AP3B1: variants seen among roughly 807,000 people sequenced by gnomAD.
The protein encoded by AP3B1 is adaptor related protein complex 3 subunit beta 1, also known as AP-3 complex subunit beta-1.
In AP3B1, 61 loss-of-function variants were observed where a neutral mutation model predicts 132.5. That is an observed-to-expected ratio of 0.46 (90% CI 0.37 to 0.57). The LOEUF (loss-of-function observed/expected upper bound fraction) is 0.57. AP3B1 is among the 20% of genes least tolerant of loss of function. The pLI is 0.00. For synonymous variants in AP3B1, 388 were observed against 438.3 expected, an observed-to-expected ratio of 0.89 and a Z score of 1.43; for missense variants, 1,120 against 1,289.4, an observed-to-expected ratio of 0.87 and a Z score of 2.01.
At chr5:78,022,402 G>A (rs892914828) in intron 24 of AP3B1, among the ~76,000 whole-genome samples, 4 of 152,190 alleles carry the variant, frequency 2.6e-5, no homozygotes, top group Admixed American at 1.3e-4. Flanking sequence ...TTCTAGGCCT[G>A]TACTTTGGGA....
chr5:78,211,893 TA>T (rs1179069587), intron 7 of AP3B1, among the ~76,000 whole-genome samples: 6 of 152,250 alleles, frequency 3.9e-5, no homozygotes, highest in African/African-American at 9.6e-5. Flanking sequence ...AATATTGTCT[TA>T]AGTGACTTGC....
intron 20 of AP3B1, among the ~76,000 whole-genome samples, chr5:78,107,102 G>A (rs960410291): frequency 6.6e-6 from 1 of 152,170 alleles, no homozygotes; most frequent in Admixed American, 6.5e-5. Flanking sequence ...AAAGACTAAT[G>A]TGTACTAAGT....
At position 78,181,534 on chromosome 5, in the gene AP3B1, C is replaced by T. The variant is rs751927249; in HGVS notation, c.915G>A (p.Lys305=). Reference sequence around the variant, plus strand: ...CAGCATTCCTGCTCTGAAGCAAAGGCTTTGTATTTCTAATTAAGAGTCTAT... The same window carrying T: ...CAGCATTCCTGCTCTGAAGCAAAGGTTTTGTATTTCTAATTAAGAGTCTAT... ...PDHRLLIRNT[K]PLLQSRNAAV... is the part of the protein sequence containing the mutation. Residue 305 remains lysine, a synonymous_variant, in exon 8 of 27, where the codon AAG becomes AAA. Coordinates refer to ENST00000255194, the MANE Select transcript of AP3B1 (RefSeq NM_003664.5). 2 of 1,613,056 alleles carry T rather than the reference C, an allele frequency of 1.2e-6. No homozygotes were observed. The highest frequency in any genetic ancestry group is 1.1e-5 in the South Asian group (1 of 91,050).
chr5:78,242,647 T>C (rs1747189737), intron 2 of AP3B1, among the ~76,000 whole-genome samples: 1 of 152,146 alleles, frequency 6.6e-6, no homozygotes, highest in South Asian at 2.1e-4. Flanking sequence ...CCTCAAGTGA[T>C]CCACCCCCCT....
intron 1 of AP3B1, among the ~76,000 whole-genome samples, chr5:78,275,622 C>T (rs555739013): frequency 4.0e-5 from 6 of 151,870 alleles, no homozygotes; most frequent in Admixed American, 3.3e-4. Context: ...ATTATAGGCA[C>T]GCGCCACCAC....
intron 22 of AP3B1, among the ~76,000 whole-genome samples, chr5:78,057,057 T>C (rs1429802380): frequency 2.6e-5 from 4 of 152,186 alleles, no homozygotes; most frequent in Admixed American, 1.3e-4. Flanking sequence ...CACCTTATCA[T>C]CAACTTGTAG....
rs574026666 is a variant in AP3B1 at position 78,119,796 on chromosome 5, T to A, written c.1969-3562A>T. ...ATATTATCCAGGAGAACTTCCCCAATCTAGCAAGAAAGGCCAACATTCGGA... is the reference window on the plus strand; with the variant it reads ...ATATTATCCAGGAGAACTTCCCCAAACTAGCAAGAAAGGCCAACATTCGGA... On this transcript the variant is annotated intron_variant, in intron 17 of 26. Coordinates refer to ENST00000255194, the MANE Select transcript of AP3B1 (RefSeq NM_003664.5). 1.6e-3 allele frequency among the ~76,000 whole-genome samples: 238 copies of A among 152,244 alleles called. 3 individuals are homozygous for A. Among genetic ancestry groups the A allele is most frequent in the Admixed American group, 3.5e-3 (54 of 15,296 alleles).
At chr5:78,013,956 G>A (rs980394487) in intron 26 of AP3B1, among the ~76,000 whole-genome samples, 1 of 152,308 alleles carries the variant, frequency 6.6e-6, no homozygotes, top group African/African-American at 2.4e-5. Context: ...GAGGTCAGGA[G>A]ATCGAGACCA....
rs1580467145 is a variant in AP3B1, at chr5:78,192,385, G to C, written c.787-10723C>G. Among the ~76,000 whole-genome samples the C allele has an allele frequency of 3.3e-5, 5 of 151,618 alleles. No homozygotes were observed. The East Asian group carries it at 9.9e-4, about 30-fold the overall frequency. On this transcript the variant is annotated intron_variant, in intron 7 of 26. Transcript: ENST00000255194. ...AGGCCAGGCGCAGTGGCTCACACCT[G>C]TAATCCCAGCACTTTGGGAGCCAAG...
intron 19 of AP3B1, 61 bp from the exon 20 acceptor site, chr5:78,110,415 A>G: frequency 1.5e-6 from 2 of 1,350,232 alleles, no homozygotes; most frequent in Non-Finnish European, 2.0e-6. Flanking sequence ...GCAGTTTATA[A>G]AAAAATTGTT....
At chr5:78,015,316 GTTA>G (rs1285775098) in intron 26 of AP3B1, 91 bp downstream of exon 26, 3 of 1,297,742 alleles carry the variant, frequency 2.3e-6, no homozygotes, top group Non-Finnish European at 3.3e-6. Context: ...ATGTTTAGGG[GTTA>G]TTATTTCCAA....
chr5:78,173,238 T>C (rs1744000215), intron 11 of AP3B1, among the ~76,000 whole-genome samples: 1 of 152,186 alleles, frequency 6.6e-6, no homozygotes, highest in East Asian at 1.9e-4. Context: ...ATTCTGTTGA[T>C]TTGGGATGGA....
rs555885507 is a variant in AP3B1 at position 78,242,511 on chromosome 5, A to G, written c.205-1575T>C. On this transcript the variant is annotated intron_variant, in intron 2 of 26. Coordinates refer to ENST00000255194, the MANE Select transcript of AP3B1 (RefSeq NM_003664.5). The stretch of plus-strand genomic sequence containing the variant: ...AACCTCCGCCTCCCGGGTTCGAGCG[A>G]TTCTCCTGCTTCAGTCTCCCGAGTA... Among the ~76,000 whole-genome samples, 8 of 152,124 alleles carry G rather than the reference A, an allele frequency of 5.3e-5. No individual in the cohort carries two copies. The East Asian group carries it at 1.4e-3, about 26-fold the overall frequency.
At chr5:78,088,842 T>C (rs532465198) in intron 22 of AP3B1, 1 of 153,438 alleles carries the variant, frequency 6.5e-6, no homozygotes, top group South Asian at 2.0e-4. Flanking sequence ...ATGTTGACGG[T>C]TTTTGCATTA....
Position 78,221,145 on chromosome 5 carries a change from G to A in AP3B1, c.603+4397C>T, listed in dbSNP as rs561693374. ...ACATATACTGGTCCTATGCATGCACGCCCTCCCACCAAAAGGCCATCTACT... is the reference window on the plus strand; with the variant it reads ...ACATATACTGGTCCTATGCATGCACACCCTCCCACCAAAAGGCCATCTACT... On this transcript the variant is annotated intron_variant, in intron 6 of 26. Transcript: ENST00000255194. Among the ~76,000 whole-genome samples, 20 of 152,122 alleles carry A rather than the reference G, an allele frequency of 1.3e-4. No homozygotes were observed. The Middle Eastern group carries it at 0.01, about 78-fold the overall frequency.
At chr5:78,287,004 T>C (rs933472947) in intron 1 of AP3B1, among the ~76,000 whole-genome samples, 29 of 152,236 alleles carry the variant, frequency 1.9e-4, no homozygotes, top group Non-Finnish European at 4.4e-5. Context: ...TTCATTTATA[T>C]ACACAAGTGA....
intron 13 of AP3B1, 104 bp downstream of exon 13, chr5:78,162,715 T>A: frequency 7.8e-7 from 1 of 1,284,492 alleles, no homozygotes; most frequent in Non-Finnish European, 1.1e-6. Context: ...CTGATATAAC[T>A]GGAAAAGCTA....
intron 15 of AP3B1, among the ~76,000 whole-genome samples, chr5:78,140,138 T>C (rs755163177): frequency 3.5e-4 from 53 of 152,158 alleles, no homozygotes; most frequent in Non-Finnish European, 6.2e-4. Context: ...AAAGTCCCTA[T>C]TTCGTACATG....
chr5:78,282,540 T>C (rs1001981357), intron 1 of AP3B1, among the ~76,000 whole-genome samples: 1 of 152,234 alleles, frequency 6.6e-6, no homozygotes, highest in African/African-American at 2.4e-5. Flanking sequence ...GGTGCAAAAG[T>C]AACTGCAGTT....
Sources: gnomAD v4.1 joint callset for allele counts (sites outside exome capture counted in the v4.1 genomes callset) on GRCh38, gnomAD v4.1.1 for gene constraint, MANE v1.5 for transcripts, NCBI Gene and HGNC (gene_info 2026-07-23, HGNC 2026-07-21) for gene names.